The following PRKD3 variants were observed in gnomAD, a reference collection of about 807,000 sequenced individuals.
The protein encoded by PRKD3 is serine/threonine-protein kinase D3.
In PRKD3, 47 loss-of-function variants were observed where a neutral mutation model predicts 99.2. The observed-to-expected ratio is 0.47, with a 90% CI of 0.38 to 0.60. PRKD3 has a LOEUF of 0.60. Among genes scored for constraint, PRKD3 ranks in the 20% least tolerant of loss-of-function variants. The probability of loss-of-function intolerance (pLI) is 0.00; values close to 1 mark genes in which losing one functional copy is unlikely to be tolerated. For synonymous variants in PRKD3, 392 were observed against 355.4 expected, an observed-to-expected ratio of 1.10 and a Z score of -1.16; for missense variants, 1,019 against 1,088.4, an observed-to-expected ratio of 0.94 and a Z score of 0.90.
chr2:37,313,071 C>T (rs953608052), intron 2 of PRKD3, among the ~76,000 whole-genome samples: 3 of 152,180 alleles, frequency 2.0e-5, no homozygotes, highest in African/African-American at 7.2e-5. Flanking sequence ...TTTGAAGATA[C>T]TCTGATCAGA....
chr2:37,303,225 T>A (rs1671015941), intron 2 of PRKD3, among the ~76,000 whole-genome samples: 1 of 152,126 alleles, frequency 6.6e-6, no homozygotes. Flanking sequence ...CATCCCACTC[T>A]GCTGAGAGCC....
At chr2:37,322,851 G>A (rs1671943178) in intron 1 of PRKD3, among the ~76,000 whole-genome samples, 2 of 152,046 alleles carry the variant, frequency 1.3e-5, no homozygotes, top group African/African-American at 4.8e-5. Context: ...ATTATAAGCA[G>A]CATTATATCA....
At chr2:37,321,952 G>A (rs1324048557) in intron 1 of PRKD3, among the ~76,000 whole-genome samples, 7 of 152,172 alleles carry the variant, frequency 4.6e-5, no homozygotes, top group Non-Finnish European at 7.3e-5. Flanking sequence ...CTCAGCAAAG[G>A]CTAAAGTGAA....
At chr2:37,270,616 A>T (rs72792827) in intron 12 of PRKD3, among the ~76,000 whole-genome samples, 1 of 152,334 alleles carries the variant, frequency 6.6e-6, no homozygotes, top group Non-Finnish European at 1.5e-5. Context: ...AACAAAGTGG[A>T]ACTTCACTTA....
In PRKD3 at chr2:37,279,740, T is replaced by C. The variant is rs747779905; in HGVS notation, c.1172+6A>G. 3 of 1,611,014 alleles carry C rather than the reference T, an allele frequency of 1.9e-6. No homozygotes were observed. Among genetic ancestry groups the C allele is most frequent in the African/African-American group, 2.7e-5 (2 of 74,802 alleles). On this transcript the variant is annotated splice_donor_region_variant and intron_variant, in intron 8 of 18. Transcript: ENST00000234179. ...GGAAGTAGCTTGTAATATGTATATA[T>C]ATTACCTGATTGTTTTAACGGCTTC...
chr2:37,264,649 G>T (rs974850306), intron 14 of PRKD3, among the ~76,000 whole-genome samples: 1 of 152,090 alleles, frequency 6.6e-6, no homozygotes, highest in African/African-American at 2.4e-5. Context: ...AAGCATTCCA[G>T]GCAGAGGAAA....
At chr2:37,296,933 A>T (rs1472830788) in intron 2 of PRKD3, among the ~76,000 whole-genome samples, 15 of 150,838 alleles carry the variant, frequency 9.9e-5, no homozygotes, top group Non-Finnish European at 1.5e-4. Context: ...ATTATGTAAG[A>T]GTCTAAACTA....
intron 2 of PRKD3, among the ~76,000 whole-genome samples, chr2:37,300,707 C>G (rs1333619256): frequency 6.6e-6 from 1 of 152,180 alleles, no homozygotes; most frequent in Admixed American, 6.5e-5. Context: ...TCGTCATAAG[C>G]TAAATACACC....
intron 9 of PRKD3, among the ~76,000 whole-genome samples, 160 bp from the exon 10 acceptor site, chr2:37,276,004 TGAAAAGTATCACTTCCACCATCA>T (rs1416105721): frequency 6.6e-6 from 1 of 152,144 alleles, no homozygotes; most frequent in African/African-American, 2.4e-5. Flanking sequence ...GGATGTATGG[TGAAAAGTATCACTTCCACCATCA>T]CTCATCCCCA....
rs185433833 is a variant in PRKD3 at position 37,307,844 on chromosome 2, C to T, written c.288+8393G>A. Among the ~76,000 whole-genome samples, 4 of 152,266 alleles carry T rather than the reference C, an allele frequency of 2.6e-5. No individual in the cohort carries two copies. The East Asian group carries it at 5.8e-4, about 22-fold the overall frequency. On this transcript the variant is annotated intron_variant, in intron 2 of 18. Coordinates refer to ENST00000234179, the MANE Select transcript of PRKD3 (RefSeq NM_005813.6). ...TATCCAAGTTTTAAGCAAAGCTCAA[C>T]GATAAATGATCTGTTAGAGATATTT...
chr2:37,260,198 T>TAAA, intron 15 of PRKD3, 25 bp downstream of exon 15: 1 of 1,185,882 alleles, frequency 8.4e-7, no homozygotes, highest in Non-Finnish European at 1.2e-6. Context: ...ATCGCTAGTT[T>TAAA]AAAAAAAAAA....
chr2:37,289,037 G>C (rs1400810629), intron 5 of PRKD3, among the ~76,000 whole-genome samples: 1 of 148,658 alleles, frequency 6.7e-6, no homozygotes, highest in African/African-American at 2.5e-5. Context: ...CTGGGCGACA[G>C]AGCAAGACTC....
intron 9 of PRKD3, 111 bp from the exon 10 acceptor site, chr2:37,275,955 TTAAGA>T (rs1306269021): frequency 1.5e-6 from 2 of 1,358,798 alleles, no homozygotes; most frequent in Non-Finnish European, 1.9e-6. Context: ...TTGAATAACT[TTAAGA>T]TTCATGAGGT....
chr2:37,317,249 T>A (rs1671705287), intron 1 of PRKD3, 70 bp from the exon 2 acceptor site: 8 of 709,388 alleles, frequency 1.1e-5, no homozygotes, highest in Non-Finnish European at 1.4e-5. Flanking sequence ...AATAAGAACA[T>A]AACTTTTTTA....
chr2:37,298,234 T>C (rs1317261578), intron 2 of PRKD3, among the ~76,000 whole-genome samples: 1 of 152,220 alleles, frequency 6.6e-6, no homozygotes, highest in Non-Finnish European at 1.5e-5. Context: ...TTAACCGTCC[T>C]GTAGTCAACA....
chr2:37,287,844 C>T (rs374080518), intron 5 of PRKD3, among the ~76,000 whole-genome samples: 1 of 152,142 alleles, frequency 6.6e-6, no homozygotes, highest in African/African-American at 2.4e-5. Flanking sequence ...TTAATTCATG[C>T]CTTCTTTAAT....
chr2:37,294,603 G>C (rs961212966), intron 2 of PRKD3, among the ~76,000 whole-genome samples: 2 of 151,898 alleles, frequency 1.3e-5, no homozygotes, highest in African/African-American at 2.4e-5. Flanking sequence ...AAGAGTGTAA[G>C]AATTCTCAAT....
intron 2 of PRKD3, among the ~76,000 whole-genome samples, chr2:37,300,745 G>A (rs569875098): frequency 1.3e-5 from 2 of 152,284 alleles, no homozygotes; most frequent in Admixed American, 6.5e-5. Context: ...TTGTGAGTAT[G>A]AGCAATACCC....
intron 17 of PRKD3, 133 bp downstream of exon 17, chr2:37,256,529 A>G: frequency 1.7e-6 from 2 of 1,199,576 alleles, no homozygotes; most frequent in Non-Finnish European, 2.2e-6. Flanking sequence ...AACTAGTTGA[A>G]TTTGGAAGAT....
Sources: allele counts gnomAD v4.1 joint callset (sites outside exome capture counted in the v4.1 genomes callset), GRCh38; gene constraint gnomAD v4.1.1; transcripts MANE v1.5; gene names NCBI Gene and HGNC (gene_info 2026-07-23, HGNC 2026-07-21).